The following STYXL1 variants were observed in gnomAD, a reference collection of about 807,000 sequenced individuals.
STYXL1 encodes serine/threonine/tyrosine-interacting-like protein 1.
A neutral mutation model predicts 36.4 loss-of-function variants in STYXL1; 32 were observed. The ratio of observed to expected loss-of-function variants is 0.88; its 90% CI spans 0.66 to 1.18. The LOEUF is 1.18. Ranked by LOEUF, STYXL1 falls within the 50% of genes most tolerant of loss-of-function variation. The probability of loss-of-function intolerance (pLI) is 0.00; values close to 1 mark genes in which losing one functional copy is unlikely to be tolerated. For missense variants in STYXL1, 354 were observed against 394.1 expected (o/e 0.90, Z 0.86); for synonymous variants, 133 against 144.1 (o/e 0.92, Z 0.55).
At chr7:76,018,653 A>C (rs1793683832) in intron 4 of STYXL1, among the ~76,000 whole-genome samples, 1 of 152,168 alleles carries the variant, frequency 6.6e-6, no homozygotes, top group Non-Finnish European at 1.5e-5. Context: ...GGCCTTCCAA[A>C]GTGCTGGGAT....
intron 5 of STYXL1, among the ~76,000 whole-genome samples, chr7:76,008,424 C>T (rs886452988): frequency 6.6e-6 from 1 of 152,050 alleles, no homozygotes; most frequent in Non-Finnish European, 1.5e-5. Context: ...GGACCTCAGG[C>T]GTGTGGGTCC....
At chr7:75,999,020 C>G (rs1554565273) in intron 8 of STYXL1, 1 of 153,348 alleles carries the variant, frequency 6.5e-6, no homozygotes, top group African/African-American at 2.4e-5. Context: ...TGCCTGTAGT[C>G]CCAGTTACTC....
intron 4 of STYXL1, among the ~76,000 whole-genome samples, chr7:76,019,236 C>G (rs1793750411): frequency 6.6e-6 from 1 of 150,974 alleles, no homozygotes; most frequent in African/African-American, 2.4e-5. Flanking sequence ...TTCAGAGAGC[C>G]AGATAAAAGG....
chr7:76,027,547 C>A (rs1392278644), intron 3 of STYXL1, among the ~76,000 whole-genome samples: 7 of 151,544 alleles, frequency 4.6e-5, no homozygotes, highest in Non-Finnish European at 1.0e-4. Flanking sequence ...TTGATTGAAC[C>A]CAGGAGTTCA....
intron 4 of STYXL1, 55 bp from the exon 5 acceptor site, chr7:76,013,942 G>C: frequency 6.6e-7 from 1 of 1,519,322 alleles, no homozygotes; most frequent in Admixed American, 2.2e-5. Context: ...CATTGGTCTA[G>C]AGCTGGGATA....
chr7:76,006,035 G>A (rs1554570231), intron 5 of STYXL1, among the ~76,000 whole-genome samples: 1 of 151,990 alleles, frequency 6.6e-6, no homozygotes, highest in Non-Finnish European at 1.5e-5. Context: ...AGGATTACAG[G>A]CGTGAGCCAC....
At chr7:76,041,871 A>G (rs567719618) in intron 1 of STYXL1, among the ~76,000 whole-genome samples, 1 of 152,374 alleles carries the variant, frequency 6.6e-6, no homozygotes, top group South Asian at 2.1e-4. Context: ...GGAAAGGAGC[A>G]TGAGAGAACT....
intron 1 of STYXL1, among the ~76,000 whole-genome samples, chr7:76,046,448 G>C (rs1797094639): frequency 1.3e-5 from 2 of 152,008 alleles, no homozygotes; most frequent in Non-Finnish European, 2.9e-5. Context: ...CTGGGTTCAA[G>C]GGATTCTCCT....
chr7:76,013,881 A>G lies in STYXL1; in HGVS notation c.314T>C (p.Val105Ala). 6.2e-6 allele frequency: 10 copies of G among 1,610,780 alleles called. No individual in the cohort carries two copies. The highest frequency in any genetic ancestry group is 8.5e-6 in the Non-Finnish European group (10 of 1,178,012). Residue 105 changes from valine (V) to alanine (A), a missense_variant, in exon 5 of 9, where the codon GTG becomes GCG. By Grantham distance (64) the Val-to-Ala change is moderately conservative. Transcript: ENST00000359697. ...GCCATACTCAATGGCTGCTTGAGGC[A>G]CAAGATCTGAGAGTGGAGACCAAAG... is the stretch of plus-strand genomic sequence containing the variant. Reference protein sequence around the residue: ...SDSDGDGKDLVPQAAIEYGRI... With the variant: ...SDSDGDGKDLAPQAAIEYGRI...
At chr7:76,001,294 A>C (rs1790886924) in intron 7 of STYXL1, among the ~76,000 whole-genome samples, 1 of 152,186 alleles carries the variant, frequency 6.6e-6, no homozygotes. Context: ...TCTGCTACCA[A>C]CTGGCCTCCC....
intron 1 of STYXL1, among the ~76,000 whole-genome samples, chr7:76,038,628 G>A (rs184183262): frequency 2.0e-5 from 3 of 151,642 alleles, no homozygotes; most frequent in East Asian, 3.9e-4. Flanking sequence ...GGGTTTCACC[G>A]TGTTAGCCAG....
At chr7:76,024,980 C>G (rs745878013) in intron 3 of STYXL1, among the ~76,000 whole-genome samples, 66 of 137,674 alleles carry the variant, frequency 4.8e-4, no homozygotes, top group Non-Finnish European at 8.2e-4. Context: ...TTCAACAGTA[C>G]GACATATTCT....
chr7:76,005,412 G>C lies in STYXL1; in HGVS notation c.454-8C>G, dbSNP rs778300679. On this transcript the variant is annotated splice_polypyrimidine_tract_variant and splice_region_variant and intron_variant, in intron 5 of 8. Transcript: ENST00000359697. ...CTGAAATGCATCCAGTTCCTGAAGT[G>C]TGGAGGGAGAAAGGCAGCTATGAGC... 5.0e-6 allele frequency: 8 copies of C among 1,596,660 alleles called. No homozygotes were observed. The South Asian group carries it at 9.0e-5, about 18-fold the overall frequency.
intron 1 of STYXL1, among the ~76,000 whole-genome samples, chr7:76,038,976 C>G (rs1796218754): frequency 7.5e-6 from 1 of 132,660 alleles, no homozygotes; most frequent in Non-Finnish European, 1.5e-5. Context: ...GAGACGGAAT[C>G]TTGCCCTGTT....
rs1242292814 is a variant in STYXL1, at chr7:76,008,853, A to C, written c.454-3449T>G. ...AAACCCCATCTCTACTAAAAATATA[A>C]AAATTAGGCGTGGTGGCACACGCCT... On this transcript the variant is annotated intron_variant, in intron 5 of 8. Transcript: ENST00000359697. Among the ~76,000 whole-genome samples the C allele has an allele frequency of 3.3e-5, 5 of 152,122 alleles. No homozygotes were observed. In the South Asian group the frequency reaches 6.2e-4, roughly 19 times the overall value.
chr7:76,019,364 A>C (rs572236615), intron 4 of STYXL1, among the ~76,000 whole-genome samples: 1 of 151,146 alleles, frequency 6.6e-6, no homozygotes, highest in Admixed American at 6.6e-5. Context: ...TGGTACAGTC[A>C]TAGCTCACTG....
intron 8 of STYXL1, among the ~76,000 whole-genome samples, chr7:76,000,017 C>A (rs183421766): frequency 6.6e-6 from 1 of 151,600 alleles, no homozygotes; most frequent in Non-Finnish European, 1.5e-5. Flanking sequence ...ATGGTGAAAC[C>A]CTGTCTCTAC....
chr7:76,014,673 G>A (rs62475306), intron 4 of STYXL1, among the ~76,000 whole-genome samples: 1 of 151,710 alleles, frequency 6.6e-6, no homozygotes, highest in Admixed American at 6.6e-5. Flanking sequence ...CAAACTCTGA[G>A]ATATATGTAT....
chr7:76,031,303 C>T (rs1795300174), intron 1 of STYXL1, among the ~76,000 whole-genome samples: 1 of 117,824 alleles, frequency 8.5e-6, no homozygotes, highest in African/African-American at 3.3e-5. Context: ...TGCACTCCAG[C>T]CTGGGGGACA....
Sources: gnomAD v4.1 joint callset for allele counts (sites outside exome capture counted in the v4.1 genomes callset) on GRCh38, gnomAD v4.1.1 for gene constraint, MANE v1.5 for transcripts, NCBI Gene and HGNC (gene_info 2026-07-23, HGNC 2026-07-21) for gene names.